The following PTPRD variants were observed in gnomAD, a reference collection of about 807,000 sequenced individuals.
PTPRD encodes receptor-type tyrosine-protein phosphatase delta.
PTPRD carries 34 observed loss-of-function variants against 214.5 expected under a neutral mutation model. That is an observed-to-expected ratio of 0.16 (90% CI 0.12 to 0.21). The LOEUF (loss-of-function observed/expected upper bound fraction) is 0.21, where lower values mean the gene tolerates loss of function less well. PTPRD is among the 10% of genes least tolerant of loss of function. PTPRD has a pLI of 1.00. For missense variants in PTPRD, 2,545 were observed against 2,398.7 expected, an observed-to-expected ratio of 1.06 and a Z score of -1.27; for synonymous variants, 1,128 against 845.7, an observed-to-expected ratio of 1.33 and a Z score of -5.79.
chr9:9,528,878 A>G (rs1590821913), intron 8 of PTPRD, among the ~76,000 whole-genome samples: 1 of 151,792 alleles, frequency 6.6e-6, no homozygotes. Flanking sequence ...AATTTATACA[A>G]TAAAATATAG....
intron 9 of PTPRD, among the ~76,000 whole-genome samples, chr9:9,189,871 G>T (rs1593212781): frequency 1.3e-5 from 2 of 152,006 alleles, no homozygotes; most frequent in Non-Finnish European, 2.9e-5. Flanking sequence ...CAGGAATATG[G>T]TCAAAGTGAA....
At chr9:9,661,346 T>C (rs2096618194) in intron 7 of PTPRD, among the ~76,000 whole-genome samples, 1 of 151,902 alleles carries the variant, frequency 6.6e-6, no homozygotes, top group Admixed American at 6.6e-5. Flanking sequence ...AACTGTATAT[T>C]TTTTTAAATT....
chr9:8,322,555 G>C (rs1829466776), intron 44 of PTPRD, among the ~76,000 whole-genome samples: 1 of 152,166 alleles, frequency 6.6e-6, no homozygotes, highest in African/African-American at 2.4e-5. Context: ...TATGAAGGCT[G>C]GGAGGTGAGG....
At chr9:9,399,782 T>C (rs2141286749) in intron 8 of PTPRD, among the ~76,000 whole-genome samples, 1 of 152,162 alleles carries the variant, frequency 6.6e-6, no homozygotes, top group South Asian at 2.1e-4. Context: ...CTCATTCACC[T>C]TCCGCCATGA....
intron 5 of PTPRD, among the ~76,000 whole-genome samples, chr9:9,823,832 G>A (rs1253404844): frequency 6.6e-6 from 1 of 151,932 alleles, no homozygotes; most frequent in Non-Finnish European, 1.5e-5. Context: ...TGACCATAAT[G>A]TATTGTATAT....
At chr9:9,873,940 A>G (rs1473472213) in intron 5 of PTPRD, among the ~76,000 whole-genome samples, 2 of 152,176 alleles carry the variant, frequency 1.3e-5, no homozygotes, top group Admixed American at 6.6e-5. Context: ...TGAAGTAGTA[A>G]TAGTGTATAT....
At chr9:8,371,762 G>A (rs1343816742) in intron 39 of PTPRD, among the ~76,000 whole-genome samples, 2 of 152,052 alleles carry the variant, frequency 1.3e-5, no homozygotes, top group African/African-American at 4.8e-5. Flanking sequence ...TGCTATTTAA[G>A]TTGGATTATG....
At chr9:10,167,311 G>A (rs564406566) in intron 3 of PTPRD, among the ~76,000 whole-genome samples, 2 of 151,764 alleles carry the variant, frequency 1.3e-5, no homozygotes, top group Non-Finnish European at 2.9e-5. Context: ...GGAGATTTTT[G>A]GGCTCATGCG....
At chr9:9,203,279 C>T (rs1032610850) in intron 9 of PTPRD, among the ~76,000 whole-genome samples, 1 of 151,878 alleles carries the variant, frequency 6.6e-6, no homozygotes, top group South Asian at 2.1e-4. Context: ...ATATACTTTT[C>T]CCCCTTTTAT....
intron 11 of PTPRD, among the ~76,000 whole-genome samples, chr9:8,912,454 C>T (rs2098754768): frequency 6.6e-6 from 1 of 152,046 alleles, no homozygotes; most frequent in South Asian, 2.1e-4. Context: ...ACAGAAAGGA[C>T]AAACCTACGG....
At chr9:9,623,057 T>A (rs1489592707) in intron 7 of PTPRD, among the ~76,000 whole-genome samples, 1 of 152,222 alleles carries the variant, frequency 6.6e-6, no homozygotes, top group Non-Finnish European at 1.5e-5. Context: ...CAAATTGGGC[T>A]GGGGAGACAT....
chr9:8,830,577 T>C (rs535505829), intron 11 of PTPRD, among the ~76,000 whole-genome samples: 2 of 152,214 alleles, frequency 1.3e-5, no homozygotes, highest in Non-Finnish European at 2.9e-5. Context: ...ACCATGATCA[T>C]CTCAAAACTC....
At chr9:10,580,864 C>T (rs1476166525) in intron 2 of PTPRD, among the ~76,000 whole-genome samples, 2 of 152,096 alleles carry the variant, frequency 1.3e-5, no homozygotes, top group Non-Finnish European at 2.9e-5. Context: ...CCATTAGACA[C>T]ACATAAATCT....
At chr9:8,644,107 G>T (rs1410833220) in intron 12 of PTPRD, among the ~76,000 whole-genome samples, 1 of 152,146 alleles carries the variant, frequency 6.6e-6, no homozygotes, top group Admixed American at 6.5e-5. Flanking sequence ...CTGCAAAAAG[G>T]CACGACTCTC....
intron 7 of PTPRD, among the ~76,000 whole-genome samples, chr9:9,598,582 C>A (rs912723661): frequency 1.3e-5 from 2 of 151,946 alleles, no homozygotes; most frequent in Admixed American, 6.6e-5. Flanking sequence ...CTACTATAGA[C>A]CTTTTGATTA....
At chr9:10,249,896 A>G (rs551735485) in intron 3 of PTPRD, among the ~76,000 whole-genome samples, 1 of 152,294 alleles carries the variant, frequency 6.6e-6, no homozygotes, top group East Asian at 1.9e-4. Flanking sequence ...AATAAAATAA[A>G]TAAATAAAGC....
chr9:8,600,321 G>T (rs2094770178), intron 14 of PTPRD, among the ~76,000 whole-genome samples: 1 of 152,134 alleles, frequency 6.6e-6, no homozygotes, highest in Admixed American at 6.5e-5. Flanking sequence ...GTGAACTCCA[G>T]GGGCAGTCTA....
intron 4 of PTPRD, among the ~76,000 whole-genome samples, chr9:10,012,051 T>A (rs1384758397): frequency 1.3e-5 from 2 of 151,976 alleles, no homozygotes; most frequent in African/African-American, 4.8e-5. Flanking sequence ...ACAGGAAACA[T>A]GTAGGTATAA....
At chr9:9,211,001 A>T (rs1477172344) in intron 9 of PTPRD, among the ~76,000 whole-genome samples, 2 of 152,104 alleles carry the variant, frequency 1.3e-5, no homozygotes, top group Admixed American at 1.3e-4. Flanking sequence ...GAATAAAGAT[A>T]AACATAGTTC....
Sources: allele counts gnomAD v4.1 joint callset (sites outside exome capture counted in the v4.1 genomes callset), GRCh38; gene constraint gnomAD v4.1.1; transcripts MANE v1.5; gene names NCBI Gene and HGNC (gene_info 2026-07-23, HGNC 2026-07-21).